The following KCTD2 variants were observed in gnomAD, a reference collection of about 807,000 sequenced individuals.
KCTD2 encodes the protein potassium channel tetramerization domain containing 2.
KCTD2 carries 18 observed loss-of-function variants against 27.9 expected under a neutral mutation model. The ratio of observed to expected loss-of-function variants is 0.64; its 90% CI spans 0.45 to 0.96. The LOEUF (loss-of-function observed/expected upper bound fraction) is 0.96. Among genes scored for constraint, KCTD2 ranks in the 40% least tolerant of loss-of-function variants. The pLI is 0.00. For synonymous variants in KCTD2, 175 were observed against 148.4 expected (o/e 1.18, Z -1.30); for missense variants, 280 against 348.0 (o/e 0.80, Z 1.56).
In KCTD2 at chr17:75,065,745, C is replaced by G. The variant is rs1223546695; in HGVS notation, c.*2698C>G. Reference sequence around the variant, plus strand: ...AGAGGAGGCCCGAGAGGACACCCCACCCTCCAGCGTGGCCTTTGATCCAGA... The same window carrying G: ...AGAGGAGGCCCGAGAGGACACCCCAGCCTCCAGCGTGGCCTTTGATCCAGA... On this transcript the variant is annotated 3_prime_UTR_variant, in exon 6 of 6. Coordinates refer to ENST00000322444, the MANE Select transcript of KCTD2 (RefSeq NM_015353.3). 6.6e-6 allele frequency: 1 copy of G among 152,370 alleles called. No homozygotes were observed. Among genetic ancestry groups the G allele is most frequent in the Non-Finnish European group, 1.5e-5 (1 of 68,144 alleles). 9.4% of individuals were successfully genotyped at this position (152,370 alleles called of 1,614,324 possible). A position where few individuals can be genotyped will look rare whatever the true frequency, so the allele number is the denominator to read the frequency against.
intron 1 of KCTD2, 40 bp from the exon 2 acceptor site, chr17:75,049,180 C>A: frequency 7.8e-7 from 1 of 1,274,894 alleles, no homozygotes; most frequent in Non-Finnish European, 1.1e-6. Context: ...TAAAATACTC[C>A]TCAAAGGTCC....
At chr17:75,046,593 C>T (rs1224842092), upstream of KCTD2, among the ~76,000 whole-genome samples, 1 of 152,226 alleles carries the variant, frequency 6.6e-6, no homozygotes, top group African/African-American at 2.4e-5. Flanking sequence ...GGCAGGTTAA[C>T]ACTGTCTGCG....
chr17:75,038,221 A>G (rs2073122339), intron 3 of KCTD2, among the ~76,000 whole-genome samples: 1 of 151,738 alleles, frequency 6.6e-6, no homozygotes, highest in African/African-American at 2.4e-5. Context: ...CCCAGGTTCA[A>G]TCAAGCCTCA....
In KCTD2 at chr17:75,047,427, C is replaced by G; in HGVS notation, c.177C>G (p.Pro59=). ...TCGCGCAGCCGCTGGAGCCGGGTCC[C>G]GGACCACCCGAGCGGGCAGGGGGCG... ...AAVAQPLEPG[P]GPPERAGGGG... is the part of the protein sequence containing the mutation. The change falls in exon 1 of 6, where the codon CCC becomes CCG. Residue 59 remains proline, a synonymous_variant. Transcript: ENST00000322444. 7.2e-7 allele frequency: 1 copy of G among 1,387,490 alleles called. No individual in the cohort carries two copies. 85.9% of individuals were successfully genotyped at this position (1,387,490 alleles called of 1,614,324 possible).
intron 2 of KCTD2, among the ~76,000 whole-genome samples, chr17:75,051,241 G>A (rs1410779193): frequency 1.4e-5 from 2 of 142,218 alleles, no homozygotes. Flanking sequence ...GCCTCCCAAA[G>A]TACTGGGATT....
In KCTD2 at chr17:75,063,873, T is replaced by G. The variant is rs1454859120; in HGVS notation, c.*826T>G. ...TTCTTACTCCCCATTGACCCTGTCT[T>G]CCTTCCCTGGCTTTTTCAACTGGAC... On this transcript the variant is annotated 3_prime_UTR_variant, in exon 6 of 6. Transcript: ENST00000322444. 6.5e-6 allele frequency: 1 copy of G among 152,718 alleles called. No individual in the cohort carries two copies. Among genetic ancestry groups the G allele is most frequent in the African/African-American group, 2.4e-5 (1 of 41,426 alleles). 9.5% of individuals were successfully genotyped at this position (152,718 alleles called of 1,614,324 possible).
At chr17:75,037,480 T>C (rs1458015831) in intron 3 of KCTD2, among the ~76,000 whole-genome samples, 1 of 152,194 alleles carries the variant, frequency 6.6e-6, no homozygotes, top group Non-Finnish European at 1.5e-5. Context: ...ACTTCCCAGG[T>C]TATCTCATTT....
chr17:75,061,618 C>T (rs1442425981), intron 4 of KCTD2, among the ~76,000 whole-genome samples: 1 of 152,158 alleles, frequency 6.6e-6, no homozygotes, highest in Non-Finnish European at 1.5e-5. Flanking sequence ...CCACTGCACT[C>T]CAGCTTGGGT....
intron 4 of KCTD2, among the ~76,000 whole-genome samples, chr17:75,060,250 A>G (rs1328751888): frequency 1.3e-5 from 2 of 151,790 alleles, no homozygotes; most frequent in African/African-American, 4.8e-5. Flanking sequence ...TTTTTTGGAA[A>G]GTCAAATCCC....
rs542749820 is a variant in KCTD2 at position 75,055,580 on chromosome 17, T to A, written c.540+2475T>A. 2.3e-3 allele frequency among the ~76,000 whole-genome samples: 355 copies of A among 151,642 alleles called. 1 individual carries two copies. The highest frequency in any genetic ancestry group is 8.3e-3 in the African/African-American group (344 of 41,394). ...CGGGCGTGGTGGCTCATGCCTGTAA[T>A]CCCAGCACTTTGGGAGGCCGAGGCA... On this transcript the variant is annotated intron_variant, in intron 3 of 5. Transcript: ENST00000322444.
chr17:75,045,201 T>TACGAA (rs1567988724), upstream of KCTD2, among the ~76,000 whole-genome samples: 1 of 152,032 alleles, frequency 6.6e-6, no homozygotes, highest in African/African-American at 2.4e-5. Context: ...GGAGGGAGTA[T>TACGAA]ACGAATAGGT....
chr17:75,062,483 C>G (rs2073414048), intron 5 of KCTD2, among the ~76,000 whole-genome samples: 1 of 152,092 alleles, frequency 6.6e-6, no homozygotes, highest in African/African-American at 2.4e-5. Flanking sequence ...CCATCCTCTG[C>G]CAAATCAATG....
intron 3 of KCTD2, among the ~76,000 whole-genome samples, chr17:75,054,208 G>A (rs906092106): frequency 1.3e-5 from 2 of 150,876 alleles, no homozygotes; most frequent in South Asian, 2.1e-4. Context: ...GGGTAGAAAC[G>A]AGCCTTGTTG....
chr17:75,053,079 C>T lies in KCTD2; in HGVS notation c.514C>T (p.Arg172Trp). ...TGTGCGGCTGGTTAAGGAAAGGATA[C>T]GGGACAATGAGAACAGAACTTCACA... ...SLVRLVKERI[R>W]DNENRTSQGP... The change falls in exon 3 of 6, where the codon CGG (arginine) becomes TGG (tryptophan). Residue 172 changes from arginine (R) to tryptophan (W), a missense_variant. Physicochemically the swap from Arg to Trp is moderately radical, Grantham distance 101. Transcript: ENST00000322444. 3.1e-6 allele frequency: 5 copies of T among 1,613,390 alleles called. No homozygotes were observed. Among genetic ancestry groups the T allele is most frequent in the Non-Finnish European group, 4.2e-6 (5 of 1,179,498 alleles).
chr17:75,042,308 T>G (rs960368245), upstream of KCTD2: 4 of 1,608,738 alleles, frequency 2.5e-6, no homozygotes, highest in Non-Finnish European at 2.6e-6. Flanking sequence ...AAGTTAGGAT[T>G]GTTCATAAGC....
intron 3 of KCTD2, among the ~76,000 whole-genome samples, chr17:75,056,662 A>T (rs1331756122): frequency 6.6e-6 from 1 of 152,206 alleles, no homozygotes; most frequent in Non-Finnish European, 1.5e-5. Flanking sequence ...TGAAAAATGG[A>T]TTTGATGTTA....
rs1014747179 is a variant in KCTD2, at chr17:75,055,270, G to T, written c.540+2165G>T. ...GTGTTTCGCCATATTGACCAGGCTGGTCTTGAACTTCAGGCCTCAAGTGAT... is the reference window on the plus strand; with the variant it reads ...GTGTTTCGCCATATTGACCAGGCTGTTCTTGAACTTCAGGCCTCAAGTGAT... On this transcript the variant is annotated intron_variant, in intron 3 of 5. Transcript: ENST00000322444. Among the ~76,000 whole-genome samples the T allele has an allele frequency of 3.3e-5, 5 of 151,864 alleles. No homozygotes were observed. The East Asian group carries it at 9.8e-4, about 30-fold the overall frequency.
At chr17:75,058,067 T>C (rs2073367246) in intron 3 of KCTD2, among the ~76,000 whole-genome samples, 1 of 151,984 alleles carries the variant, frequency 6.6e-6, no homozygotes, top group Non-Finnish European at 1.5e-5. Context: ...CTCATGCCTG[T>C]AATCCCAGCA....
intron 3 of KCTD2, chr17:75,042,166 G>A (rs2073167796): frequency 6.2e-7 from 1 of 1,608,918 alleles, no homozygotes; most frequent in Non-Finnish European, 8.5e-7. Context: ...GTGCTTTAGA[G>A]GTGTGAAGTC....
Sources: allele counts gnomAD v4.1 joint callset (sites outside exome capture counted in the v4.1 genomes callset), GRCh38; gene constraint gnomAD v4.1.1; transcripts MANE v1.5; gene names NCBI Gene and HGNC (gene_info 2026-07-23, HGNC 2026-07-21).